Variants in CDH4 observed in about 807,000 individuals in gnomAD.
The protein encoded by CDH4 is cadherin-4.
CDH4 carries 33 observed loss-of-function variants against 86.0 expected under a neutral mutation model. The observed-to-expected ratio is 0.38, with a 90% CI of 0.29 to 0.51. The LOEUF (loss-of-function observed/expected upper bound fraction) is 0.51, where lower values mean the gene tolerates loss of function less well. Ranked by LOEUF, CDH4 falls within the 20% of genes least tolerant of loss-of-function variation. The probability of loss-of-function intolerance (pLI) is 0.86; values close to 1 mark genes in which losing one functional copy is unlikely to be tolerated. For synonymous variants in CDH4, 555 were observed against 549.4 expected (o/e 1.01, Z -0.14); for missense variants, 1,114 against 1,307.4 (o/e 0.85, Z 2.28).
chr20:61,751,720 C>T (rs551909460), intron 3 of CDH4, among the ~76,000 whole-genome samples: 1 of 152,308 alleles, frequency 6.6e-6, no homozygotes, highest in South Asian at 2.1e-4. Context: ...CTCAATTTTG[C>T]CCCTTAACCT....
intron 2 of CDH4, among the ~76,000 whole-genome samples, chr20:61,433,204 A>C (rs1481706617): frequency 6.6e-6 from 1 of 152,044 alleles, no homozygotes; most frequent in Non-Finnish European, 1.5e-5. Flanking sequence ...CTGTTTTTTA[A>C]ATTTTTTCCG....
intron 4 of CDH4, among the ~76,000 whole-genome samples, chr20:61,837,556 T>C (rs555155522): frequency 6.6e-6 from 1 of 152,222 alleles, no homozygotes; most frequent in East Asian, 1.9e-4. Flanking sequence ...CAATGGTCCC[T>C]TAAGGAATTC....
chr20:61,396,096 G>T (rs1033458405), intron 2 of CDH4, among the ~76,000 whole-genome samples: 1 of 152,156 alleles, frequency 6.6e-6, no homozygotes, highest in Admixed American at 6.5e-5. Context: ...CCGTCGTGCC[G>T]TCTTTGACTC....
intron 2 of CDH4, among the ~76,000 whole-genome samples, chr20:61,535,972 C>T (rs1397297471): frequency 6.6e-6 from 1 of 152,110 alleles, no homozygotes; most frequent in Non-Finnish European, 1.5e-5. Flanking sequence ...GGGGTGCTTA[C>T]CTCCCTCAGT....
At chr20:61,499,937 A>G (rs536985673) in intron 2 of CDH4, among the ~76,000 whole-genome samples, 2 of 152,306 alleles carry the variant, frequency 1.3e-5, no homozygotes, top group East Asian at 3.9e-4. Flanking sequence ...CAGTGGCACC[A>G]TTATGCAAAG....
chr20:61,423,022 C>A (rs910473064), intron 2 of CDH4, among the ~76,000 whole-genome samples: 2 of 152,128 alleles, frequency 1.3e-5, no homozygotes, highest in Non-Finnish European at 2.9e-5. Context: ...GTCAGAAGGT[C>A]AGAGAAAAGT....
chr20:61,387,447 C>T (rs1031835521), intron 2 of CDH4, among the ~76,000 whole-genome samples: 23 of 149,312 alleles, frequency 1.5e-4, no homozygotes, highest in Non-Finnish European at 2.9e-4. Context: ...AACAGAGAAA[C>T]ACACAGCCAC....
At chr20:61,732,158 A>G (rs1055986843) in intron 2 of CDH4, among the ~76,000 whole-genome samples, 1 of 152,178 alleles carries the variant, frequency 6.6e-6, no homozygotes, top group South Asian at 2.1e-4. Context: ...CAATAACCCA[A>G]GATTTTTCTG....
chr20:61,580,570 G>A (rs529547163), intron 2 of CDH4, among the ~76,000 whole-genome samples: 4 of 152,276 alleles, frequency 2.6e-5, no homozygotes, highest in East Asian at 3.9e-4. Context: ...AACTAGCAGC[G>A]TGCATGGCCC....
intron 2 of CDH4, among the ~76,000 whole-genome samples, chr20:61,399,828 G>A (rs1408219423): frequency 6.6e-6 from 1 of 152,184 alleles, no homozygotes; most frequent in Non-Finnish European, 1.5e-5. Context: ...CCCTGCAGGG[G>A]CTCGGGGACA....
At chr20:61,628,669 C>T (rs2086854877) in intron 2 of CDH4, among the ~76,000 whole-genome samples, 2 of 152,198 alleles carry the variant, frequency 1.3e-5, no homozygotes, top group South Asian at 4.1e-4. Flanking sequence ...CCGGGTGCAC[C>T]CCGCCCAGCG....
chr20:61,502,827 G>A (rs550918491), intron 2 of CDH4, among the ~76,000 whole-genome samples: 2 of 152,300 alleles, frequency 1.3e-5, no homozygotes, highest in South Asian at 4.1e-4. Context: ...TCCTGAATTG[G>A]AGACATCAAA....
chr20:61,844,200 A>T (rs1891572), intron 4 of CDH4, among the ~76,000 whole-genome samples: 74,072 of 151,922 alleles, frequency 0.49, 19,401 homozygotes, highest in Non-Finnish European at 0.59. Flanking sequence ...TTTCTAGCTT[A>T]CTTTGGACTT....
At chr20:61,768,074 C>A (rs777477875) in intron 3 of CDH4, among the ~76,000 whole-genome samples, 2 of 152,316 alleles carry the variant, frequency 1.3e-5, no homozygotes, top group East Asian at 3.9e-4. Context: ...CCCTCCTGGA[C>A]GCTGCTAGTT....
At chr20:61,299,297 G>T (rs1447237591) in intron 2 of CDH4, among the ~76,000 whole-genome samples, 1 of 152,190 alleles carries the variant, frequency 6.6e-6, no homozygotes, top group Non-Finnish European at 1.5e-5. Context: ...CACAGCCCCA[G>T]ATGGTGAGGG....
chr20:61,272,259 G>A (rs1026138180), intron 2 of CDH4, among the ~76,000 whole-genome samples: 1 of 152,144 alleles, frequency 6.6e-6, no homozygotes, highest in Non-Finnish European at 1.5e-5. Context: ...TCCCCCAGTG[G>A]CTTTCTAAGG....
At position 61,377,403 on chromosome 20, in the gene CDH4, C is replaced by T. The variant is rs1487826989; in HGVS notation, c.169+122466C>T. 6.6e-6 allele frequency among the ~76,000 whole-genome samples: 1 copy of T among 152,112 alleles called. No homozygotes were observed. The highest frequency in any genetic ancestry group is 1.5e-5 in the Non-Finnish European group (1 of 68,014). On this transcript the variant is annotated intron_variant, in intron 2 of 15. Transcript: ENST00000614565. The surrounding 1 kb of genome is among the most constrained non-coding windows in gnomAD (Gnocchi z 4.0). Reference sequence around the variant, plus strand: ...GTGGTCCAGGGCTCTGCCGGCCCCGCCTCCTGGTTGCCCCATTTCCTTCAT... The same window carrying T: ...GTGGTCCAGGGCTCTGCCGGCCCCGTCTCCTGGTTGCCCCATTTCCTTCAT...
At chr20:61,674,635 C>T (rs2087427088) in intron 2 of CDH4, among the ~76,000 whole-genome samples, 1 of 152,228 alleles carries the variant, frequency 6.6e-6, no homozygotes, top group Non-Finnish European at 1.5e-5. Context: ...CAGGCAACAT[C>T]CTTGTTAATG....
chr20:61,555,797 C>T (rs1208093320), intron 2 of CDH4, among the ~76,000 whole-genome samples: 1 of 152,184 alleles, frequency 6.6e-6, no homozygotes, highest in Non-Finnish European at 1.5e-5. Flanking sequence ...AGAAACAATT[C>T]ATACCTACCT....
Sources: allele counts gnomAD v4.1 joint callset (sites outside exome capture counted in the v4.1 genomes callset), GRCh38; gene constraint gnomAD v4.1.1; non-coding constraint Gnocchi (gnomAD v3.1); transcripts MANE v1.5; gene names NCBI Gene and HGNC (gene_info 2026-07-23, HGNC 2026-07-21).